The following SANBR variants were observed in gnomAD, a reference collection of about 807,000 sequenced individuals.
SANBR encodes SANT and BTB domain regulator of class switch recombination.
A neutral mutation model predicts 101.8 loss-of-function variants in SANBR; 77 were observed. The observed-to-expected ratio is 0.76, with a 90% CI of 0.63 to 0.91. The LOEUF is 0.91. Ranked by LOEUF, SANBR falls within the 40% of genes least tolerant of loss-of-function variation. The pLI is 0.00. For synonymous variants in SANBR, 279 were observed against 274.7 expected (o/e 1.02, Z -0.15); for missense variants, 875 against 853.0 (o/e 1.03, Z -0.32).
At chr2:61,132,072 C>A (rs1684704673) in intron 20 of SANBR, among the ~76,000 whole-genome samples, 1 of 152,144 alleles carries the variant, frequency 6.6e-6, no homozygotes, top group African/African-American at 2.4e-5. Flanking sequence ...AAAACTCTTA[C>A]AAGAAAGCAT....
At chr2:61,082,074 G>T (rs1443230404) in intron 7 of SANBR, among the ~76,000 whole-genome samples, 1 of 152,036 alleles carries the variant, frequency 6.6e-6, no homozygotes, top group East Asian at 1.9e-4. Flanking sequence ...GTCTTGCTAT[G>T]TTACCCAGGC....
At chr2:61,136,444 C>T (rs1028646177) in intron 21 of SANBR, among the ~76,000 whole-genome samples, 8 of 144,884 alleles carry the variant, frequency 5.5e-5, no homozygotes, top group Admixed American at 1.4e-4. Flanking sequence ...ACCAGCCTAA[C>T]ATGGTGAAAC....
Position 61,083,301 on chromosome 2 carries a change from G to T in SANBR, c.877G>T (p.Asp293Tyr), listed in dbSNP as rs778818696. ...NEVDDLKDKK[D>Y]KFKSKLFCKK... ...AGTTGATGATTTAAAGGACAAAAAA[G>T]ATAAATTTAAAAGGTAATTTCAAAA... is the stretch of plus-strand genomic sequence containing the variant. The change falls in exon 8 of 22, where the codon GAT becomes TAT. Residue 293 changes from aspartate to tyrosine, a missense_variant. Asp to Tyr is a radical substitution (Grantham distance 160). Transcript: ENST00000402291. The T allele has an allele frequency of 1.9e-6, 3 of 1,593,346 alleles. No individual in the cohort carries two copies. The highest frequency in any genetic ancestry group is 3.4e-5 in the Admixed American group (2 of 58,168).
downstream of SANBR, among the ~76,000 whole-genome samples, chr2:61,126,584 C>G (rs902185709): frequency 6.6e-6 from 1 of 151,950 alleles, no homozygotes; most frequent in Non-Finnish European, 1.5e-5. Context: ...GGCCAGATCA[C>G]GAGGTCAGGA....
In SANBR at chr2:61,088,474, G is replaced by T. The variant is rs752369748; in HGVS notation, c.1088+6G>T. 6.4e-7 allele frequency: 1 copy of T among 1,567,622 alleles called. No homozygotes were observed. Among genetic ancestry groups the T allele is most frequent in the Non-Finnish European group, 8.7e-7 (1 of 1,148,760 alleles). ...ATTGTCTATATTCACATAAGGTGTC[G>T]TGAAGATAAAATACATACATGTATT... On this transcript the variant is annotated splice_donor_region_variant and intron_variant, in intron 10 of 21. Coordinates refer to ENST00000402291, the MANE Select transcript of SANBR (RefSeq NM_001129993.3).
In SANBR at chr2:61,083,243, C is replaced by T; in HGVS notation, c.819C>T (p.Leu273=). 1.9e-6 allele frequency: 3 copies of T among 1,610,508 alleles called. No individual in the cohort carries two copies. The highest frequency in any genetic ancestry group is 2.5e-6 in the Non-Finnish European group (3 of 1,176,800). The change falls in exon 8 of 22, where the codon CTC becomes CTT. Residue 273 remains leucine, a synonymous_variant. Coordinates refer to ENST00000402291, the MANE Select transcript of SANBR (RefSeq NM_001129993.3). ...TGAACTGTATTAATGCAAATCTTCT[C>T]ACACGTATAGCTGATCTGTTCTCAC... The part of the protein sequence containing the change: ...CNMNCINANL[L]TRIADLFSHN...
At position 61,124,112 on chromosome 2, in the gene SANBR, G is replaced by T. The variant is rs1035892070; in HGVS notation, c.*1950G>T. Reference sequence around the variant, plus strand: ...TCCATCTCAATTTAAAACAAAAAAAGAATGTGTTTTTAATTTTGTTAATGT... The same window carrying T: ...TCCATCTCAATTTAAAACAAAAAAATAATGTGTTTTTAATTTTGTTAATGT... On this transcript the variant is annotated 3_prime_UTR_variant, in exon 22 of 22. Transcript: ENST00000402291. 1.0e-6 allele frequency: 1 copy of T among 962,926 alleles called. No individual in the cohort carries two copies. The highest frequency in any genetic ancestry group is 1.2e-6 in the Non-Finnish European group (1 of 809,436). The allele number at this position is 962,926 out of a possible 1,614,324, so 59.6% of individuals were successfully genotyped here.
chr2:61,070,845 C>CA (rs1681426938), intron 3 of SANBR, among the ~76,000 whole-genome samples: 1 of 151,218 alleles, frequency 6.6e-6, no homozygotes, highest in African/African-American at 2.4e-5. Flanking sequence ...GCCATCATGG[C>CA]TCACTGCAGC....
At chr2:61,114,074 C>A (rs1197631165) in intron 16 of SANBR, among the ~76,000 whole-genome samples, 1 of 152,142 alleles carries the variant, frequency 6.6e-6, no homozygotes, top group Non-Finnish European at 1.5e-5. Context: ...CTGGTGTAAA[C>A]TCCACTTGGT....
chr2:61,078,958 G>A (rs1026207592), intron 6 of SANBR, among the ~76,000 whole-genome samples: 2 of 151,816 alleles, frequency 1.3e-5, no homozygotes, highest in Admixed American at 6.6e-5. Context: ...AGAATTGCAC[G>A]AGCCCATGAG....
intron 10 of SANBR, chr2:61,089,818 C>T (rs925574974): frequency 1.3e-5 from 2 of 152,362 alleles, no homozygotes; most frequent in African/African-American, 4.8e-5. Flanking sequence ...CTTTGACATC[C>T]TTCATCCAGT....
At chr2:61,099,858 T>C (rs972658879) in intron 12 of SANBR, among the ~76,000 whole-genome samples, 4 of 152,078 alleles carry the variant, frequency 2.6e-5, no homozygotes, top group Admixed American at 2.6e-4. Flanking sequence ...TGGTGCCTAA[T>C]ACTGCTAAGA....
rs751324338 is a variant in SANBR at position 61,071,721 on chromosome 2, A to G, written c.266A>G (p.Lys89Arg). The change falls in exon 4 of 22, where the codon AAA becomes AGA. Residue 89 changes from lysine to arginine, a missense_variant. Transcript: ENST00000402291. The part of the protein sequence containing the change: ...SPVETLATYI[K>R]SSLLDIHGEF... ...GTTGAAACTTTAGCCACATATATCA[A>G]ATCCTCACTTCTTGACATACATGGA... The G allele has an allele frequency of 1.9e-6, 3 of 1,608,012 alleles. No homozygotes were observed. Among genetic ancestry groups the G allele is most frequent in the South Asian group, 1.1e-5 (1 of 89,532 alleles).
intron 16 of SANBR, among the ~76,000 whole-genome samples, chr2:61,109,823 C>T (rs1683745193): frequency 6.6e-6 from 1 of 150,988 alleles, no homozygotes; most frequent in African/African-American, 2.4e-5. Context: ...GCTAATTTTT[C>T]TGTATTTTTA....
intron 14 of SANBR, among the ~76,000 whole-genome samples, chr2:61,107,869 G>A (rs1683650387): frequency 6.6e-6 from 1 of 150,696 alleles, no homozygotes; most frequent in African/African-American, 2.4e-5. Context: ...CTGGGTGACA[G>A]AGTGAGACTC....
chr2:61,087,875 A>C (rs1167823785), intron 8 of SANBR, among the ~76,000 whole-genome samples: 1 of 151,890 alleles, frequency 6.6e-6, no homozygotes, highest in Non-Finnish European at 1.5e-5. Flanking sequence ...AAAATAAAAA[A>C]TAAAATTTAA....
chr2:61,112,053 G>C (rs746473250), intron 16 of SANBR, among the ~76,000 whole-genome samples: 2 of 152,066 alleles, frequency 1.3e-5, no homozygotes, highest in Non-Finnish European at 2.9e-5. Context: ...CATTTTTCTT[G>C]AGTAGATACT....
At chr2:61,068,671 G>A (rs1449095957) in intron 1 of SANBR, among the ~76,000 whole-genome samples, 178 bp from the exon 2 acceptor site, 1 of 152,148 alleles carries the variant, frequency 6.6e-6, no homozygotes, top group African/African-American at 2.4e-5. Context: ...TCATTGGAAT[G>A]TTACTGTCTC....
chr2:61,074,758 C>T (rs963885245), intron 5 of SANBR, among the ~76,000 whole-genome samples: 18 of 152,094 alleles, frequency 1.2e-4, no homozygotes, highest in African/African-American at 4.3e-4. Context: ...AAAAATTTGC[C>T]AAAAATTTTT....
Sources: gnomAD v4.1 joint callset for allele counts (sites outside exome capture counted in the v4.1 genomes callset) on GRCh38, gnomAD v4.1.1 for gene constraint, MANE v1.5 for transcripts, NCBI Gene and HGNC (gene_info 2026-07-23, HGNC 2026-07-21) for gene names.